Variants in SDK1 observed in about 807,000 individuals in gnomAD.
SDK1 encodes the protein sidekick cell adhesion molecule 1, also known as protein sidekick-1.
In SDK1, 157 loss-of-function variants were observed where a neutral mutation model predicts 245.5. The observed-to-expected ratio is 0.64, with a 90% CI of 0.56 to 0.73. The LOEUF is 0.73. SDK1 is among the 30% of genes least tolerant of loss of function. The pLI is 0.00. For synonymous variants in SDK1, 1,647 were observed against 1,278.5 expected, an observed-to-expected ratio of 1.29 and a Z score of -6.15; for missense variants, 3,583 against 3,002.3, an observed-to-expected ratio of 1.19 and a Z score of -4.52.
intron 25 of SDK1, among the ~76,000 whole-genome samples, chr7:4,122,471 T>G (rs937743219): frequency 4.6e-5 from 7 of 152,098 alleles, no homozygotes; most frequent in Non-Finnish European, 7.4e-5. Context: ...TCCTGGGAGC[T>G]TAGGAATGGC....
chr7:3,962,156 C>T (rs1222523398), intron 8 of SDK1, among the ~76,000 whole-genome samples: 2 of 152,180 alleles, frequency 1.3e-5, no homozygotes, highest in African/African-American at 4.8e-5. Flanking sequence ...TTATCACTAA[C>T]CTGCATGTGA....
chr7:3,476,981 G>A (rs1022950853), intron 1 of SDK1, among the ~76,000 whole-genome samples: 1 of 152,180 alleles, frequency 6.6e-6, no homozygotes, highest in Admixed American at 6.5e-5. Flanking sequence ...CCATATGGCT[G>A]AAGAAGCTAG....
At chr7:3,333,445 C>G (rs1427909663) in intron 1 of SDK1, among the ~76,000 whole-genome samples, 1 of 152,080 alleles carries the variant, frequency 6.6e-6, no homozygotes, top group Non-Finnish European at 1.5e-5. Flanking sequence ...CTATGGAATG[C>G]TTATCTTTTG....
chr7:3,682,878 A>C (rs1175274920), intron 4 of SDK1, among the ~76,000 whole-genome samples: 3 of 152,030 alleles, frequency 2.0e-5, no homozygotes, highest in African/African-American at 7.3e-5. Flanking sequence ...AGCTGGGACT[A>C]CAGGGGCCTG....
At chr7:3,724,598 G>A (rs1778954516) in intron 4 of SDK1, among the ~76,000 whole-genome samples, 1 of 152,266 alleles carries the variant, frequency 6.6e-6, no homozygotes, top group South Asian at 2.1e-4. Context: ...GACTAAAAAT[G>A]TTTGAAAGCG....
chr7:3,663,682 C>T (rs1452501244), intron 4 of SDK1, among the ~76,000 whole-genome samples: 2 of 152,150 alleles, frequency 1.3e-5, no homozygotes, highest in African/African-American at 2.4e-5. Flanking sequence ...CTGGGCAAAC[C>T]GAGATGGCTG....
chr7:4,089,698 G>T (rs12701398), intron 22 of SDK1, among the ~76,000 whole-genome samples: 36,030 of 152,150 alleles, frequency 0.24, 4,779 homozygotes, highest in African/African-American at 0.34. Context: ...ACAGCCTGCA[G>T]CCAGTGGTTA....
At chr7:3,720,107 T>C (rs1427684264) in intron 4 of SDK1, among the ~76,000 whole-genome samples, 4 of 152,138 alleles carry the variant, frequency 2.6e-5, no homozygotes, top group East Asian at 3.9e-4. Flanking sequence ...AATTAAAAAC[T>C]TTTATGAATG....
At chr7:4,103,232 C>T (rs2128188042) in intron 22 of SDK1, among the ~76,000 whole-genome samples, 1 of 152,236 alleles carries the variant, frequency 6.6e-6, no homozygotes, top group South Asian at 2.1e-4. Flanking sequence ...AATCTCCTGA[C>T]CTTGTGATCC....
intron 1 of SDK1, among the ~76,000 whole-genome samples, chr7:3,446,977 A>C (rs1311679357): frequency 1.3e-5 from 2 of 152,200 alleles, no homozygotes; most frequent in African/African-American, 4.8e-5. Flanking sequence ...AGTTCTCTGG[A>C]GATACGATGA....
chr7:4,124,075 G>C (rs1343417544), intron 25 of SDK1, among the ~76,000 whole-genome samples: 2 of 152,256 alleles, frequency 1.3e-5, no homozygotes, highest in Non-Finnish European at 2.9e-5. Context: ...GCTATGGCCT[G>C]CTTTGGGGCT....
chr7:4,068,384 C>T (rs550211323), intron 20 of SDK1, among the ~76,000 whole-genome samples: 43 of 152,282 alleles, frequency 2.8e-4, no homozygotes, highest in African/African-American at 5.8e-4. Flanking sequence ...TGGCACTGAG[C>T]GCTCCTGTGG....
Position 4,145,845 on chromosome 7 carries a change from G to T in SDK1, c.4352G>T (p.Arg1451Met). 1 of 1,613,840 alleles carries T rather than the reference G, an allele frequency of 6.2e-7. No individual in the cohort carries two copies. The highest frequency in any genetic ancestry group is 1.1e-5 in the South Asian group (1 of 91,060). The part of the protein sequence containing the change: ...DLAPESAYIF[R>M]LSAKTRQGWG... ...GCCCCGGAGTCCGCATACATCTTCA[G>T]GCTGTCCGCCAAGACGAGGCAGGGC... Residue 1451 changes from arginine (R) to methionine (M), a missense_variant, in exon 29 of 45, where the codon AGG becomes ATG. Arg to Met is a moderately conservative substitution (Grantham distance 91). Coordinates refer to ENST00000404826, the MANE Select transcript of SDK1 (RefSeq NM_152744.4).
At chr7:3,782,727 C>G (rs930135784) in intron 4 of SDK1, among the ~76,000 whole-genome samples, 3 of 152,096 alleles carry the variant, frequency 2.0e-5, no homozygotes, top group African/African-American at 7.2e-5. Context: ...GCAAGGGTAT[C>G]ATACTGCATA....
At chr7:3,699,318 A>G (rs1209329490) in intron 4 of SDK1, among the ~76,000 whole-genome samples, 1 of 152,184 alleles carries the variant, frequency 6.6e-6, no homozygotes, top group African/African-American at 2.4e-5. Context: ...GAGATGTCCG[A>G]CCAGCATTTT....
At position 3,323,473 on chromosome 7, in the gene SDK1, C is replaced by T. The variant is rs1292223617; in HGVS notation, c.298+21589C>T. Among the ~76,000 whole-genome samples, 3 of 152,190 alleles carry T rather than the reference C, an allele frequency of 2.0e-5. 1 individual carries two copies. The highest frequency in any genetic ancestry group is 1.9e-4 in the East Asian group (1 of 5,204). On this transcript the variant is annotated intron_variant, in intron 1 of 44. Coordinates refer to ENST00000404826, the MANE Select transcript of SDK1 (RefSeq NM_152744.4). ...TGTAGAGGTTCTAAGGAAAAATACA[C>T]TTCCAAACTCATTCACATTGCTGGT...
In SDK1 at chr7:4,265,660, C is replaced by T. The variant is rs1788422389; in HGVS notation, c.*276C>T. 5.7e-6 allele frequency: 7 copies of T among 1,224,760 alleles called. No individual in the cohort carries two copies. The highest frequency in any genetic ancestry group is 7.1e-6 in the Non-Finnish European group (7 of 985,686). The allele number at this position is 1,224,760 out of a possible 1,614,324, so 75.9% of individuals were successfully genotyped here. A position where few individuals can be genotyped will look rare whatever the true frequency, so the allele number is the denominator to read the frequency against. ...CACTGGTGCAATGGCTTGGCACCTC[C>T]GGGGCCTGGGAGGACCTCAGACCTC... On this transcript the variant is annotated 3_prime_UTR_variant, in exon 45 of 45. Coordinates refer to ENST00000404826, the MANE Select transcript of SDK1 (RefSeq NM_152744.4).
At chr7:3,453,097 C>T (rs1007734626) in intron 1 of SDK1, among the ~76,000 whole-genome samples, 1 of 152,154 alleles carries the variant, frequency 6.6e-6, no homozygotes, top group East Asian at 1.9e-4. Context: ...GGTACCCATC[C>T]TGCCACTGGT....
intron 4 of SDK1, among the ~76,000 whole-genome samples, chr7:3,819,472 G>C (rs1029228315): frequency 6.7e-6 from 1 of 149,598 alleles, no homozygotes; most frequent in Non-Finnish European, 1.5e-5. Flanking sequence ...GTAAAAATCA[G>C]ATGTCAAAGA....
Sources: gnomAD v4.1 joint callset for allele counts (sites outside exome capture counted in the v4.1 genomes callset) on GRCh38, gnomAD v4.1.1 for gene constraint, MANE v1.5 for transcripts, NCBI Gene and HGNC (gene_info 2026-07-23, HGNC 2026-07-21) for gene names.